Variants in PITPNC1 observed in about 807,000 individuals in gnomAD.
The protein encoded by PITPNC1 is cytoplasmic phosphatidylinositol transfer protein 1.
In PITPNC1, 18 loss-of-function variants were observed where a neutral mutation model predicts 44.7. The ratio of observed to expected loss-of-function variants is 0.40; its 90% CI spans 0.28 to 0.60. The LOEUF (loss-of-function observed/expected upper bound fraction) is 0.60, where lower values mean the gene tolerates loss of function less well. PITPNC1 is among the 20% of genes least tolerant of loss of function. The pLI is 0.39. For missense variants in PITPNC1, 290 were observed against 418.4 expected, an observed-to-expected ratio of 0.69 and a Z score of 2.68; for synonymous variants, 141 against 149.6, an observed-to-expected ratio of 0.94 and a Z score of 0.42.
chr17:67,469,778 GCCA>G (rs2039487590), intron 1 of PITPNC1, among the ~76,000 whole-genome samples: 1 of 152,062 alleles, frequency 6.6e-6, no homozygotes, highest in East Asian at 1.9e-4. Flanking sequence ...CAGAACAAAA[GCCA>G]CCAAGAGGAA....
intron 5 of PITPNC1, among the ~76,000 whole-genome samples, chr17:67,606,330 A>G (rs1298927885): frequency 6.6e-6 from 1 of 152,196 alleles, no homozygotes; most frequent in Non-Finnish European, 1.5e-5. Flanking sequence ...CCAATGCAGT[A>G]TGTATGGTTT....
intron 4 of PITPNC1, among the ~76,000 whole-genome samples, chr17:67,555,417 A>T (rs113207386): frequency 6.6e-6 from 1 of 152,178 alleles, no homozygotes; most frequent in Non-Finnish European, 1.5e-5. Context: ...TACTTTGCCA[A>T]CGCTAAATAT....
At chr17:67,527,553 A>T (rs888920970) in intron 1 of PITPNC1, among the ~76,000 whole-genome samples, 1 of 152,048 alleles carries the variant, frequency 6.6e-6, no homozygotes, top group Non-Finnish European at 1.5e-5. Flanking sequence ...AAATACAAAA[A>T]TTAGCTGGGT....
intron 1 of PITPNC1, among the ~76,000 whole-genome samples, chr17:67,489,856 A>G (rs1439307466): frequency 1.3e-5 from 2 of 152,008 alleles, no homozygotes; most frequent in African/African-American, 4.8e-5. Flanking sequence ...CAATCCTCCC[A>G]CCTTAGCCTC....
rs1457078326 is a variant in PITPNC1, at chr17:67,510,252, G to GGCTT, written c.49-22549_49-22546dup. 2.6e-5 allele frequency among the ~76,000 whole-genome samples: 4 copies of GGCTT among 152,300 alleles called. No individual in the cohort carries two copies. The East Asian group carries it at 5.8e-4, about 22-fold the overall frequency. On this transcript the variant is annotated intron_variant, in intron 1 of 8. Transcript: ENST00000581322. ...GCTTAAGAGACTCAGCCCACACAGT[G>GGCTT]GCTTCACTGTCTTTCACTCTGTCTG...
At chr17:67,685,828 TTTGG>T (rs906244943) in intron 8 of PITPNC1, among the ~76,000 whole-genome samples, 6 of 152,032 alleles carry the variant, frequency 3.9e-5, no homozygotes, top group East Asian at 1.9e-4. Context: ...GTTTTTTTTG[TTTGG>T]TTGGTTGGTT....
At chr17:67,608,377 A>T (rs1286244241) in intron 5 of PITPNC1, among the ~76,000 whole-genome samples, 2 of 152,168 alleles carry the variant, frequency 1.3e-5, no homozygotes, top group African/African-American at 4.8e-5. Context: ...ATCTCTTAAA[A>T]GTTAAATCAG....
At chr17:67,410,108 T>C (rs1255687737) in intron 1 of PITPNC1, among the ~76,000 whole-genome samples, 1 of 152,182 alleles carries the variant, frequency 6.6e-6, no homozygotes, top group African/African-American at 2.4e-5. Context: ...CAGAAAACAG[T>C]TTTAAGCATT....
chr17:67,533,396 G>A (rs149418318), intron 2 of PITPNC1, among the ~76,000 whole-genome samples: 32 of 152,278 alleles, frequency 2.1e-4, no homozygotes, highest in African/African-American at 7.7e-4. Context: ...CTTTGATGAC[G>A]TGTTACAGCG....
At chr17:67,556,029 G>C (rs996978614) in intron 4 of PITPNC1, among the ~76,000 whole-genome samples, 2 of 152,160 alleles carry the variant, frequency 1.3e-5, no homozygotes, top group African/African-American at 4.8e-5. Flanking sequence ...CTTTTCTGGA[G>C]GCAAGAGGGG....
chr17:67,399,456 G>A (rs573229761), intron 1 of PITPNC1, among the ~76,000 whole-genome samples: 1 of 152,202 alleles, frequency 6.6e-6, no homozygotes, highest in Admixed American at 6.5e-5. Flanking sequence ...CATTCCTGGG[G>A]GCAAATGCGT....
chr17:67,450,676 A>C (rs777985910), intron 1 of PITPNC1, among the ~76,000 whole-genome samples: 6 of 152,110 alleles, frequency 3.9e-5, no homozygotes, highest in Non-Finnish European at 8.8e-5. Flanking sequence ...ATCCACCCGC[A>C]TCAGACTCCC....
chr17:67,519,664 G>A (rs1212299678), intron 1 of PITPNC1, among the ~76,000 whole-genome samples: 2 of 152,126 alleles, frequency 1.3e-5, no homozygotes, highest in African/African-American at 4.8e-5. Context: ...AATGAATGGT[G>A]CCTCCCTGCA....
chr17:67,459,425 G>C (rs1449831660), intron 1 of PITPNC1, among the ~76,000 whole-genome samples: 1 of 152,218 alleles, frequency 6.6e-6, no homozygotes, highest in East Asian at 1.9e-4. Context: ...GCCTCTTTGG[G>C]GTTTTAGTTC....
rs2042971746 is a variant in PITPNC1 at position 67,694,015 on chromosome 17, A to C, written c.*1127A>C. On this transcript the variant is annotated 3_prime_UTR_variant, in exon 9 of 9. Transcript: ENST00000581322. ...AGCAACTACTGTCAAGTGGGAGGAG[A>C]GAATGAGCAGAATTGCTGACTCCTA... is the stretch of plus-strand genomic sequence containing the variant. 6.6e-6 allele frequency: 1 copy of C among 152,250 alleles called. No homozygotes were observed. The allele number at this position is 152,250 out of a possible 1,614,324, so 9.4% of individuals were successfully genotyped here.
intron 8 of PITPNC1, among the ~76,000 whole-genome samples, chr17:67,677,598 C>T (rs1404810322): frequency 2.0e-5 from 3 of 150,596 alleles, no homozygotes; most frequent in Non-Finnish European, 4.4e-5. Flanking sequence ...GACAGAGTCT[C>T]GCACTGTCGT....
At chr17:67,464,075 C>T (rs1479393827) in intron 1 of PITPNC1, among the ~76,000 whole-genome samples, 1 of 151,986 alleles carries the variant, frequency 6.6e-6, no homozygotes, top group East Asian at 1.9e-4. Context: ...TGCCTGTAAT[C>T]CCAGCTATTC....
intron 1 of PITPNC1, among the ~76,000 whole-genome samples, chr17:67,526,898 G>A (rs1055429471): frequency 5.3e-5 from 8 of 152,102 alleles, no homozygotes; most frequent in African/African-American, 1.4e-4. Flanking sequence ...GGAAAGATCT[G>A]CATCCCATGA....
chr17:67,627,328 AT>A (rs1237211155), intron 5 of PITPNC1, among the ~76,000 whole-genome samples: 4 of 152,216 alleles, frequency 2.6e-5, no homozygotes, highest in African/African-American at 9.6e-5. Context: ...ATTTTTTGTG[AT>A]TTGTTCAGAT....
Sources: allele counts gnomAD v4.1 joint callset (sites outside exome capture counted in the v4.1 genomes callset), GRCh38; gene constraint gnomAD v4.1.1; transcripts MANE v1.5; gene names NCBI Gene and HGNC (gene_info 2026-07-23, HGNC 2026-07-21).